GIMAP8: variants seen among roughly 807,000 people sequenced by gnomAD.
The protein encoded by GIMAP8 is GTPase, IMAP family member 8.
A neutral mutation model predicts 35.6 loss-of-function variants in GIMAP8; 29 were observed. The ratio of observed to expected loss-of-function variants is 0.81; its 90% confidence interval spans 0.61 to 1.11. The LOEUF (loss-of-function observed/expected upper bound fraction) is 1.11. Ranked by LOEUF, GIMAP8 falls within the 50% of genes most tolerant of loss-of-function variation. The probability of loss-of-function intolerance (pLI) is 0.00; values close to 1 mark genes in which losing one functional copy is unlikely to be tolerated. For synonymous variants in GIMAP8, 335 were observed against 308.7 expected (o/e 1.09, Z -0.89); for missense variants, 811 against 805.0 (o/e 1.01, Z -0.09).
rs758169110 is a variant in GIMAP8 at position 150,467,201 on chromosome 7, TCAA to T, written c.510_512del (p.Asn170del). 42 of 1,614,248 alleles carry T rather than the reference TCAA, an allele frequency of 2.6e-5. No homozygotes were observed. Among genetic ancestry groups the T allele is most frequent in the Non-Finnish European group, 3.3e-5 (39 of 1,180,036 alleles). On this transcript the variant is annotated inframe_deletion, in exon 2 of 5. Transcript: ENST00000307271. ...GACTATGAGGGCCGATACTGCATTT[TCAA>T]CAACAAGACCAATAGTAAGGATGAG...
rs989117699 is a variant in GIMAP8 at position 150,451,282 on chromosome 7, T to A, written c.-29+107T>A. On this transcript the variant is annotated intron_variant, in intron 1 of 4. Coordinates refer to ENST00000307271, the MANE Select transcript of GIMAP8 (RefSeq NM_175571.4). This position sits in a 1 kb window ranked among gnomAD's most constrained non-coding sequence, Gnocchi z 4.1. ...CGCAGTGCATGTGTGACATGTGCACTCGTGTGTAGATGTGTGTGCACTGGT... is the reference window on the plus strand; with the variant it reads ...CGCAGTGCATGTGTGACATGTGCACACGTGTGTAGATGTGTGTGCACTGGT... The A allele has an allele frequency of 2.0e-5, 3 of 152,272 alleles. No homozygotes were observed. The highest frequency in any genetic ancestry group is 1.3e-4 in the Admixed American group (2 of 15,276). 9.4% of individuals were successfully genotyped at this position (152,272 alleles called of 1,614,324 possible). A position where few individuals can be genotyped will look rare whatever the true frequency, so the allele number is the denominator to read the frequency against.
In GIMAP8 at chr7:150,474,213, A is replaced by G. The variant is rs1482540749; in HGVS notation, c.884A>G (p.Lys295Arg). Reference sequence around the variant, plus strand: ...TTGTCTGAGAGCAGAAGCTGGAGAAAAAAGAAAGTTTCGATCATTGATGCT... The same window carrying G: ...TTGTCTGAGAGCAGAAGCTGGAGAAGAAAGAAAGTTTCGATCATTGATGCT... ...SFLSESRSWR[K>R]KKVSIIDAPD... The change falls in exon 4 of 5, where the codon AAA (lysine) becomes AGA (arginine). Residue 295 changes from lysine (K) to arginine (R), a missense_variant. Physicochemically the swap from Lys to Arg is conservative, Grantham distance 26 (BLOSUM62 2). Transcript: ENST00000307271. The G allele has an allele frequency of 1.2e-6, 2 of 1,614,192 alleles. No homozygotes were observed. Among genetic ancestry groups the G allele is most frequent in the Non-Finnish European group, 1.7e-6 (2 of 1,180,038 alleles).
chr7:150,475,325 G>A (rs1375116293), intron 4 of GIMAP8, among the ~76,000 whole-genome samples: 3 of 152,168 alleles, frequency 2.0e-5, no homozygotes, highest in African/African-American at 7.2e-5. Context: ...ATAAAGGAAG[G>A]ATAGGTCTGT....
At chr7:150,466,130 A>G (rs1801951393) in intron 1 of GIMAP8, among the ~76,000 whole-genome samples, 1 of 152,062 alleles carries the variant, frequency 6.6e-6, no homozygotes, top group Non-Finnish European at 1.5e-5. Flanking sequence ...CTGTGATATT[A>G]TTTTCAGAGT....
rs1486938684 is a variant in GIMAP8 at position 150,466,662 on chromosome 7, T to C, written c.-28-9T>C. The C allele has an allele frequency of 1.9e-6, 3 of 1,601,114 alleles. No individual in the cohort carries two copies. In the South Asian group the frequency reaches 3.4e-5, roughly 18 times the overall value. On this transcript the variant is annotated splice_polypyrimidine_tract_variant and intron_variant, in intron 1 of 4. Transcript: ENST00000307271. ...TTGAACATTAATGTGTTGTTTTCTG[T>C]CCCAACAGAACAAGCGGGAGCCTGT...
chr7:150,471,283 G>A lies in GIMAP8; in HGVS notation c.682+409G>A, dbSNP rs117264492. 1.6e-3 allele frequency among the ~76,000 whole-genome samples: 242 copies of A among 152,308 alleles called. 4 individuals are homozygous for A. The East Asian group carries it at 0.03, about 19-fold the overall frequency. On this transcript the variant is annotated intron_variant, in intron 3 of 4. Coordinates refer to ENST00000307271, the MANE Select transcript of GIMAP8 (RefSeq NM_175571.4). Reference sequence around the variant, plus strand: ...GGGGTGCAGTATTCAGGTGATGATTGCCAGTAATGATAGATCCTGCACATC... The same window carrying A: ...GGGGTGCAGTATTCAGGTGATGATTACCAGTAATGATAGATCCTGCACATC...
chr7:150,473,694 T>TA (rs1317557194), intron 3 of GIMAP8, among the ~76,000 whole-genome samples: 9 of 151,782 alleles, frequency 5.9e-5, no homozygotes, highest in Non-Finnish European at 1.2e-4. Context: ...GGTACGTACT[T>TA]ACCTTTGGTA....
rs2116578531 is a variant in GIMAP8, at chr7:150,451,567, T to G, written c.-29+392T>G. 6.6e-6 allele frequency among the ~76,000 whole-genome samples: 1 copy of G among 152,060 alleles called. No homozygotes were observed. The highest frequency in any genetic ancestry group is 2.4e-5 in the African/African-American group (1 of 41,458). On this transcript the variant is annotated intron_variant, in intron 1 of 4. Transcript: ENST00000307271. The surrounding 1 kb of genome is among the most constrained non-coding windows in gnomAD (Gnocchi z 4.1). ...CGTGTCGGGGAGTGGGTGTGAGCCC[T>G]GAAGAGGAGGAGGGCTGAGACTGGC...
In GIMAP8 at chr7:150,477,428, A is replaced by C; in HGVS notation, c.1646A>C (p.Glu549Ala). ...GACAAAACAGCTGTGGCGAAACTGG[A>C]GGCCATCTTTGGAGCAGACTTTACG... ...EEDKTAVAKL[E>A]AIFGADFTKY... Residue 549 changes from glutamate (E) to alanine (A), a missense_variant, in exon 5 of 5, where the codon GAG becomes GCG. Coordinates refer to ENST00000307271, the MANE Select transcript of GIMAP8 (RefSeq NM_175571.4). 1 of 1,613,804 alleles carries C rather than the reference A, an allele frequency of 6.2e-7. No individual in the cohort carries two copies. Among genetic ancestry groups the C allele is most frequent in the South Asian group, 1.1e-5 (1 of 91,088 alleles).
chr7:150,468,841 T>A (rs1322384438), intron 2 of GIMAP8, among the ~76,000 whole-genome samples: 1 of 152,146 alleles, frequency 6.6e-6, no homozygotes, highest in Non-Finnish European at 1.5e-5. Context: ...AATTAAGTCC[T>A]CGTGACAACC....
At chr7:150,465,141 C>T (rs1380935022) in intron 1 of GIMAP8, among the ~76,000 whole-genome samples, 1 of 152,160 alleles carries the variant, frequency 6.6e-6, no homozygotes, top group African/African-American at 2.4e-5. Context: ...GGGAACCCAT[C>T]AAGGGGCAGA....
Position 150,477,280 on chromosome 7 carries a change from A to C in GIMAP8, c.1498A>C (p.Met500Leu). ...TGTGGACACTCCTTCCTTCAACCAGATGCTGGATGTCGAAAAGGACCCATC... is the reference window on the plus strand; with the variant it reads ...TGTGGACACTCCTTCCTTCAACCAGCTGCTGGATGTCGAAAAGGACCCATC... Reference protein sequence around the residue: ...VVVDTPSFNQMLDVEKDPSRL... With the variant: ...VVVDTPSFNQLLDVEKDPSRL... Residue 500 changes from methionine to leucine, a missense_variant, in exon 5 of 5, where the codon ATG (methionine) becomes CTG (leucine). Met to Leu is a conservative substitution (Grantham distance 15). Transcript: ENST00000307271. 6.2e-7 allele frequency: 1 copy of C among 1,614,142 alleles called. No homozygotes were observed. Among genetic ancestry groups the C allele is most frequent in the Non-Finnish European group, 8.5e-7 (1 of 1,180,014 alleles).
intron 1 of GIMAP8, among the ~76,000 whole-genome samples, chr7:150,458,940 T>C (rs146245047): frequency 7.2e-4 from 110 of 152,354 alleles, no homozygotes; most frequent in African/African-American, 2.5e-3. Context: ...TCCTCATTCC[T>C]GTAACTAGTC....
At position 150,454,683 on chromosome 7, in the gene GIMAP8, C is replaced by T. The variant is rs369235893; in HGVS notation, c.-29+3508C>T. ...ACAAAAATTTCACTGAGCCAAAAAG[C>T]AAATCTCAACCAATGACAAATAGTT... On this transcript the variant is annotated intron_variant, in intron 1 of 4. Coordinates refer to ENST00000307271, the MANE Select transcript of GIMAP8 (RefSeq NM_175571.4). Among the ~76,000 whole-genome samples the T allele has an allele frequency of 9.9e-4, 150 of 152,260 alleles. 3 individuals carry two copies. In the South Asian group the frequency reaches 0.03, roughly 31 times the overall value.
At chr7:150,469,425 T>C (rs947529922) in intron 2 of GIMAP8, among the ~76,000 whole-genome samples, 1 of 152,190 alleles carries the variant, frequency 6.6e-6, no homozygotes, top group Admixed American at 6.5e-5. Context: ...ACCCACTCCA[T>C]GAGGGCAGAA....
chr7:150,456,969 C>T (rs548455237), intron 1 of GIMAP8, among the ~76,000 whole-genome samples: 19 of 152,270 alleles, frequency 1.2e-4, no homozygotes, highest in East Asian at 3.9e-4. Flanking sequence ...CCAGCTCAGT[C>T]GTGGAGACCC....
At chr7:150,476,777 C>T (rs1282817743) in intron 4 of GIMAP8, among the ~76,000 whole-genome samples, 2 of 152,274 alleles carry the variant, frequency 1.3e-5, no homozygotes, top group East Asian at 3.9e-4. Flanking sequence ...CTCACAGGTG[C>T]CAGGGAGTCT....
Position 150,467,296 on chromosome 7 carries a change from T to A in GIMAP8, c.598T>A (p.Tyr200Asn). The change falls in exon 2 of 5, where the codon TAT (tyrosine) becomes AAT (asparagine). Residue 200 changes from tyrosine to asparagine, a missense_variant. By Grantham distance (143) the Tyr-to-Asn change is moderately radical. Transcript: ENST00000307271. ...ESLVNTNGGP[Y>N]HVNFKTEGSR... is the part of the protein sequence containing the mutation. ...TTTGGTGAATACGAACGGAGGACCC[T>A]ATCATGTGAACTTCAAAACTGAAGG... is the stretch of plus-strand genomic sequence containing the variant. 6.2e-7 allele frequency: 1 copy of A among 1,613,594 alleles called. No homozygotes were observed. Among genetic ancestry groups the A allele is most frequent in the Non-Finnish European group, 8.5e-7 (1 of 1,179,516 alleles).
intron 2 of GIMAP8, among the ~76,000 whole-genome samples, chr7:150,469,933 T>C (rs1396527127): frequency 6.6e-6 from 1 of 152,246 alleles, no homozygotes; most frequent in Non-Finnish European, 1.5e-5. Context: ...ATTAAGCAGA[T>C]TGTAGAACAA....
Sources: allele counts gnomAD v4.1 joint callset (sites outside exome capture counted in the v4.1 genomes callset), GRCh38; gene constraint gnomAD v4.1.1; non-coding constraint Gnocchi (gnomAD v3.1); transcripts MANE v1.5; gene names NCBI Gene and HGNC (gene_info 2026-07-23, HGNC 2026-07-21).